Variants in ANO3 observed in about 807,000 individuals in gnomAD.
ANO3 encodes anoctamin 3.
Under a neutral mutation model 144.8 loss-of-function variants are expected in ANO3, and 99 were observed. That is an observed-to-expected ratio of 0.68 (90% CI 0.58 to 0.81). ANO3 has a LOEUF of 0.81. ANO3 is among the 30% of genes least tolerant of loss of function. The probability of loss-of-function intolerance (pLI) is 0.00; values close to 1 mark genes in which losing one functional copy is unlikely to be tolerated. For synonymous variants in ANO3, 414 were observed against 392.6 expected (o/e 1.05, Z -0.64); for missense variants, 905 against 1,202.2 (o/e 0.75, Z 3.66).
intron 14 of ANO3, among the ~76,000 whole-genome samples, chr11:26,584,109 T>TA (rs1261368493): frequency 1.3e-5 from 2 of 152,030 alleles, no homozygotes; most frequent in Non-Finnish European, 2.9e-5. Flanking sequence ...ATAAAACAGA[T>TA]AAAGAAGGGG....
At chr11:26,472,487 G>A (rs1859818304) in intron 4 of ANO3, among the ~76,000 whole-genome samples, 1 of 151,874 alleles carries the variant, frequency 6.6e-6, no homozygotes, top group East Asian at 1.9e-4. Flanking sequence ...TGGTAAGGAG[G>A]AGGCAGGAAT....
intron 1 of ANO3, among the ~76,000 whole-genome samples, chr11:26,345,940 G>C (rs373349665): frequency 2.6e-5 from 4 of 152,186 alleles, no homozygotes; most frequent in African/African-American, 9.7e-5. Context: ...ATTTGAATGA[G>C]CAATATGGCT....
chr11:26,534,621 A>G, intron 9 of ANO3, 59 bp downstream of exon 9: 1 of 1,256,152 alleles, frequency 8.0e-7, no homozygotes, highest in East Asian at 2.3e-5. Flanking sequence ...ACCCAGAATT[A>G]TTGTTTTTTT....
chr11:26,453,305 AC>A (rs1364608995), intron 3 of ANO3, among the ~76,000 whole-genome samples: 1 of 151,280 alleles, frequency 6.6e-6, no homozygotes, highest in Non-Finnish European at 1.5e-5. Context: ...AACAGTCAAG[AC>A]CCATCAGTGT....
At chr11:26,305,157 CAAAA>C (rs60302507), upstream of ANO3, among the ~76,000 whole-genome samples, 2 of 101,364 alleles carry the variant, frequency 2.0e-5, no homozygotes, top group Non-Finnish European at 4.5e-5. Context: ...CCCTACAAGG[CAAAA>C]AAAAAAAAAA....
At chr11:26,645,526 C>A (rs1853316815) in intron 23 of ANO3, among the ~76,000 whole-genome samples, 1 of 152,194 alleles carries the variant, frequency 6.6e-6, no homozygotes, top group Non-Finnish European at 1.5e-5. Flanking sequence ...ATATATTATA[C>A]TGTCATCAAA....
At chr11:26,361,768 T>C (rs1855934714) in intron 1 of ANO3, among the ~76,000 whole-genome samples, 1 of 152,212 alleles carries the variant, frequency 6.6e-6, no homozygotes, top group African/African-American at 2.4e-5. Flanking sequence ...CTCTGGTTTC[T>C]TTTTGCAACA....
chr11:26,289,716 T>A (rs966033078), intron 1 of ANO3, among the ~76,000 whole-genome samples: 1 of 143,460 alleles, frequency 7.0e-6, no homozygotes, highest in Admixed American at 7.2e-5. Flanking sequence ...ATATTCTATA[T>A]GTGTATATAT....
In ANO3 at chr11:26,345,510, C is replaced by T. The variant is rs1038032943; in HGVS notation, c.46+13189C>T. ...GCAGTTGCAGTGAGCTGAGATCATG[C>T]CATTGAACTCCAGCCTGGGCAACAG... On this transcript the variant is annotated intron_variant, in intron 1 of 26. Coordinates refer to ENST00000256737, the MANE Select transcript of ANO3 (RefSeq NM_031418.4). 2.0e-5 allele frequency among the ~76,000 whole-genome samples: 3 copies of T among 152,128 alleles called. 1 individual carries two copies. The highest frequency in any genetic ancestry group is 1.3e-4 in the Admixed American group (2 of 15,274).
chr11:26,191,945 T>C (rs1435572635), intron 1 of ANO3, among the ~76,000 whole-genome samples: 3 of 152,326 alleles, frequency 2.0e-5, no homozygotes, highest in South Asian at 4.1e-4. Flanking sequence ...TGAAGATAAG[T>C]ATCACTACCC....
chr11:26,517,608 G>A (rs953128344), intron 6 of ANO3, among the ~76,000 whole-genome samples: 1 of 151,962 alleles, frequency 6.6e-6, no homozygotes, highest in Non-Finnish European at 1.5e-5. Flanking sequence ...ACACTGATGT[G>A]GAGCTTAATA....
At chr11:26,552,266 A>G (rs953175788) in intron 12 of ANO3, among the ~76,000 whole-genome samples, 21 of 152,054 alleles carry the variant, frequency 1.4e-4, no homozygotes, top group African/African-American at 5.1e-4. Context: ...TTGGCTTGAG[A>G]TTATATACAT....
At chr11:26,430,787 G>T (rs1382700514) in intron 1 of ANO3, among the ~76,000 whole-genome samples, 2 of 152,076 alleles carry the variant, frequency 1.3e-5, no homozygotes, top group African/African-American at 4.8e-5. Context: ...ATAGCTCTAT[G>T]CAAATCAATT....
chr11:26,566,002 T>C, intron 14 of ANO3: 5 of 1,132,790 alleles, frequency 4.4e-6, no homozygotes, highest in Non-Finnish European at 6.0e-6. Flanking sequence ...AATATAGAGA[T>C]GGTAATATCA....
At chr11:26,471,013 G>A (rs191005132) in intron 4 of ANO3, among the ~76,000 whole-genome samples, 3 of 151,992 alleles carry the variant, frequency 2.0e-5, no homozygotes, top group East Asian at 1.9e-4. Flanking sequence ...GTCCTAATAT[G>A]CACTGATCAC....
intron 1 of ANO3, among the ~76,000 whole-genome samples, chr11:26,212,722 C>T (rs758811615): frequency 7.2e-5 from 11 of 151,940 alleles, no homozygotes; most frequent in Non-Finnish European, 1.6e-4. Context: ...GGAGCTGGTA[C>T]CATTCCTTCT....
intron 1 of ANO3, among the ~76,000 whole-genome samples, chr11:26,195,733 C>T (rs1198826991): frequency 1.3e-5 from 2 of 152,150 alleles, no homozygotes; most frequent in Non-Finnish European, 2.9e-5. Context: ...TATGTGTCTT[C>T]TTACTCCCAA....
At chr11:26,401,658 C>G (rs1316082998) in intron 1 of ANO3, among the ~76,000 whole-genome samples, 1 of 151,936 alleles carries the variant, frequency 6.6e-6, no homozygotes, top group Non-Finnish European at 1.5e-5. Flanking sequence ...AAGCAAATCA[C>G]TTGAGGTCAG....
chr11:26,630,866 A>G (rs1168584142), intron 18 of ANO3, among the ~76,000 whole-genome samples: 1 of 152,058 alleles, frequency 6.6e-6, no homozygotes, highest in East Asian at 1.9e-4. Context: ...ATTATTTTAT[A>G]TTTTCTGAAA....
Sources: allele counts gnomAD v4.1 joint callset (sites outside exome capture counted in the v4.1 genomes callset), GRCh38; gene constraint gnomAD v4.1.1; transcripts MANE v1.5; gene names NCBI Gene and HGNC (gene_info 2026-07-23, HGNC 2026-07-21).